The following KCNS3 variants were observed in gnomAD, a reference collection of about 807,000 sequenced individuals.
KCNS3 encodes the protein potassium voltage-gated channel modifier subfamily S member 3.
Under a neutral mutation model 31.0 loss-of-function variants are expected in KCNS3, and 13 were observed. The ratio of observed to expected loss-of-function variants is 0.42; its 90% CI spans 0.27 to 0.67. The LOEUF (loss-of-function observed/expected upper bound fraction) is 0.67. Ranked by LOEUF, KCNS3 falls within the 30% of genes least tolerant of loss-of-function variation. KCNS3 has a pLI of 0.25. For synonymous variants in KCNS3, 238 were observed against 241.5 expected, an observed-to-expected ratio of 0.99 and a Z score of 0.13; for missense variants, 545 against 622.4, an observed-to-expected ratio of 0.88 and a Z score of 1.32.
intron 1 of KCNS3, among the ~76,000 whole-genome samples, chr2:17,917,284 T>C (rs2125248733): frequency 6.6e-6 from 1 of 152,296 alleles, no homozygotes; most frequent in South Asian, 2.1e-4. Context: ...GATTTTGAAA[T>C]GGATTAGAAT....
In KCNS3 at chr2:17,885,546, A is replaced by T. The variant is rs531400638; in HGVS notation, c.-252+6740A>T. 2.6e-5 allele frequency among the ~76,000 whole-genome samples: 4 copies of T among 152,360 alleles called. No homozygotes were observed. The East Asian group carries it at 7.7e-4, about 29-fold the overall frequency. The stretch of plus-strand genomic sequence containing the variant: ...GCAGGCTGGAAACCCAGGAGAGCCA[A>T]CACTCCACTTCAAGTTTGGAGGCAG... On this transcript the variant is annotated intron_variant, in intron 1 of 2. Transcript: ENST00000304101.
intron 1 of KCNS3, among the ~76,000 whole-genome samples, chr2:17,888,631 A>ATATCTATATATATC (rs199928504): frequency 3.3e-4 from 10 of 30,430 alleles, no homozygotes; most frequent in African/African-American, 1.4e-3. Context: ...AAAAAAATGT[A>ATATCTATATATATC]TATATATATA....
rs1188598214 is a variant in KCNS3 at position 17,921,913 on chromosome 2, GTGTATATATATATATATATATA to G, written c.-60+4044_-60+4065del. On this transcript the variant is annotated intron_variant, in intron 2 of 2. Transcript: ENST00000304101. ...GATTTTCATATATATGTGTGTGTGTGTGTATATATATATATATATATATATATATATATATATATATATATAA... is the reference window on the plus strand; with the variant it reads ...GATTTTCATATATATGTGTGTGTGTGTATATATATATATATATATATATAA... 7.9e-4 allele frequency among the ~76,000 whole-genome samples: 27 copies of G among 34,118 alleles called. No homozygotes were observed. The East Asian group carries it at 0.021, about 26-fold the overall frequency. The allele number at this position is 34,118 out of a possible 152,430, so 22.4% of individuals were successfully genotyped here. A position where few individuals can be genotyped will look rare whatever the true frequency, so the allele number is the denominator to read the frequency against.
intron 2 of KCNS3, among the ~76,000 whole-genome samples, chr2:17,929,818 A>G (rs1161929241): frequency 6.6e-6 from 1 of 152,228 alleles, no homozygotes; most frequent in Non-Finnish European, 1.5e-5. Context: ...ACCTGGGTTT[A>G]AATCTTGGCT....
intron 1 of KCNS3, among the ~76,000 whole-genome samples, chr2:17,879,062 C>A (rs1231987583): frequency 6.6e-6 from 1 of 152,170 alleles, no homozygotes; most frequent in Non-Finnish European, 1.5e-5. Flanking sequence ...GCGTGAACTG[C>A]GGGCTGTTGA....
In KCNS3 at chr2:17,932,383, G is replaced by A; in HGVS notation, c.1375G>A (p.Gly459Ser). The A allele has an allele frequency of 6.2e-7, 1 of 1,614,058 alleles. No homozygotes were observed. The highest frequency in any genetic ancestry group is 8.5e-7 in the Non-Finnish European group (1 of 1,179,994). Residue 459 changes from glycine to serine, a missense_variant, in exon 3 of 3, where the codon GGC (glycine) becomes AGC (serine). Transcript: ENST00000304101. ...HTFITSLSSV[G>S]IVVSDPDSTD... ...CTTCATTACCAGTCTCTCTTCTGTA[G>A]GCATTGTGGTGAGCGATCCTGACTC...
At chr2:17,907,553 A>C (rs1249001736) in intron 1 of KCNS3, among the ~76,000 whole-genome samples, 3 of 152,212 alleles carry the variant, frequency 2.0e-5, no homozygotes, top group Non-Finnish European at 4.4e-5. Flanking sequence ...TATTCCTAGC[A>C]TCGATGATCT....
In KCNS3 at chr2:17,930,906, G is replaced by T. The variant is rs1273659475; in HGVS notation, c.-59-44G>T. 2.2e-6 allele frequency: 3 copies of T among 1,347,470 alleles called. No individual in the cohort carries two copies. In the East Asian group the frequency reaches 7.0e-5, roughly 31 times the overall value. The allele number at this position is 1,347,470 out of a possible 1,614,324, so 83.5% of individuals were successfully genotyped here. A position where few individuals can be genotyped will look rare whatever the true frequency, so the allele number is the denominator to read the frequency against. On this transcript the variant is annotated intron_variant, in intron 2 of 2. Coordinates refer to ENST00000304101, the MANE Select transcript of KCNS3 (RefSeq NM_002252.5). ...GCAGATTAAAAATAAGCTTGGCTGGGCACGGCAGGACAGAGTGCTAATATC... is the reference window on the plus strand; with the variant it reads ...GCAGATTAAAAATAAGCTTGGCTGGTCACGGCAGGACAGAGTGCTAATATC...
intron 1 of KCNS3, among the ~76,000 whole-genome samples, chr2:17,911,545 G>T (rs1662471834): frequency 6.6e-6 from 1 of 152,070 alleles, no homozygotes; most frequent in South Asian, 2.1e-4. Context: ...AGTAAGAAAT[G>T]TACACAATGT....
intron 1 of KCNS3, among the ~76,000 whole-genome samples, chr2:17,886,180 ATT>A (rs1455623508): frequency 6.6e-6 from 1 of 152,222 alleles, no homozygotes; most frequent in East Asian, 1.9e-4. Flanking sequence ...AGCAGACTAA[ATT>A]TGGGGCTTCA....
chr2:17,908,175 C>A (rs1373047193), intron 1 of KCNS3, among the ~76,000 whole-genome samples: 2 of 152,108 alleles, frequency 1.3e-5, no homozygotes, highest in African/African-American at 2.4e-5. Context: ...ACTCTTTTTT[C>A]TCTAAACTTC....
chr2:17,886,758 A>G (rs923356995), intron 1 of KCNS3, among the ~76,000 whole-genome samples: 1 of 151,550 alleles, frequency 6.6e-6, no homozygotes, highest in Non-Finnish European at 1.5e-5. Flanking sequence ...CCATCCATCC[A>G]TCCATCCATC....
chr2:17,888,428 G>A (rs979775034), intron 1 of KCNS3, among the ~76,000 whole-genome samples: 1 of 151,390 alleles, frequency 6.6e-6, no homozygotes, highest in African/African-American at 2.4e-5. Flanking sequence ...TCTCCTACAG[G>A]TGGCTACCCA....
chr2:17,899,995 C>T (rs1662131591), intron 1 of KCNS3, among the ~76,000 whole-genome samples: 1 of 152,118 alleles, frequency 6.6e-6, no homozygotes, highest in Admixed American at 6.5e-5. Flanking sequence ...GCAAAGAGTA[C>T]GATGTGCCTC....
At chr2:17,903,074 C>T (rs935335982) in intron 1 of KCNS3, among the ~76,000 whole-genome samples, 2 of 152,112 alleles carry the variant, frequency 1.3e-5, no homozygotes, top group Non-Finnish European at 2.9e-5. Context: ...TTCAAAAGCA[C>T]GTTTGTTGTG....
chr2:17,911,800 TTCGAA>T lies in KCNS3; in HGVS notation c.-251-5877_-251-5873del, dbSNP rs2125245960. Among the ~76,000 whole-genome samples, 2 of 152,326 alleles carry T rather than the reference TTCGAA, an allele frequency of 1.3e-5. 1 individual carries two copies. The highest frequency in any genetic ancestry group is 4.1e-4 in the South Asian group (2 of 4,820). On this transcript the variant is annotated intron_variant, in intron 1 of 2. Coordinates refer to ENST00000304101, the MANE Select transcript of KCNS3 (RefSeq NM_002252.5). ...TGGCTTTGAAGAATTATTGTTTGGA[TTCGAA>T]TCATGGAGTTGTCACTTAATAGCTG...
chr2:17,890,784 G>C (rs558875488), intron 1 of KCNS3, among the ~76,000 whole-genome samples: 93 of 152,270 alleles, frequency 6.1e-4, no homozygotes, highest in Non-Finnish European at 1.1e-3. Context: ...ACTGTGGTTT[G>C]AGAGAGTGCT....
At chr2:17,881,583 T>C (rs1268967544) in intron 1 of KCNS3, among the ~76,000 whole-genome samples, 1 of 152,248 alleles carries the variant, frequency 6.6e-6, no homozygotes, top group East Asian at 1.9e-4. Context: ...TAGGTTCTAT[T>C]ATCACCGTAT....
At chr2:17,882,713 C>T (rs998568853) in intron 1 of KCNS3, among the ~76,000 whole-genome samples, 5 of 152,038 alleles carry the variant, frequency 3.3e-5, no homozygotes, top group African/African-American at 1.2e-4. Flanking sequence ...TTTTGTGAAG[C>T]CTGGAGTGAA....
Sources: gnomAD v4.1 joint callset for allele counts (sites outside exome capture counted in the v4.1 genomes callset) on GRCh38, gnomAD v4.1.1 for gene constraint, MANE v1.5 for transcripts, NCBI Gene and HGNC (gene_info 2026-07-23, HGNC 2026-07-21) for gene names.